Variants in PCDH15 observed in about 807,000 individuals in gnomAD.
The protein encoded by PCDH15 is protocadherin related 15, also known as protocadherin-15.
Under a neutral mutation model 178.5 loss-of-function variants are expected in PCDH15, and 129 were observed. The ratio of observed to expected loss-of-function variants is 0.72; its 90% confidence interval spans 0.63 to 0.84. The LOEUF (loss-of-function observed/expected upper bound fraction) is 0.84. Ranked by LOEUF, PCDH15 falls within the 40% of genes least tolerant of loss-of-function variation. PCDH15 has a pLI of 0.00. For synonymous variants in PCDH15, 800 were observed against 732.0 expected (o/e 1.09, Z -1.50); for missense variants, 2,230 against 2,099.9 (o/e 1.06, Z -1.21).
At chr10:55,559,062 G>T (rs1021335794) in intron 2 of PCDH15, among the ~76,000 whole-genome samples, 5 of 151,914 alleles carry the variant, frequency 3.3e-5, no homozygotes, top group African/African-American at 9.7e-5. Flanking sequence ...TATAACCATA[G>T]ATTTCTTGTA....
chr10:55,515,302 C>T (rs966285905), intron 2 of PCDH15, among the ~76,000 whole-genome samples: 2 of 151,880 alleles, frequency 1.3e-5, no homozygotes, highest in Admixed American at 1.3e-4. Context: ...TGAGTCCCAA[C>T]AGCACCTGAG....
intron 2 of PCDH15, among the ~76,000 whole-genome samples, chr10:55,124,218 T>C (rs1837843316): frequency 6.6e-6 from 1 of 152,142 alleles, no homozygotes; most frequent in Non-Finnish European, 1.5e-5. Flanking sequence ...TTATATTCTG[T>C]CATTTTCTTC....
intron 25 of PCDH15, among the ~76,000 whole-genome samples, chr10:53,917,148 A>C (rs1454133813): frequency 6.6e-6 from 1 of 152,194 alleles, no homozygotes; most frequent in African/African-American, 2.4e-5. Context: ...TGTCCTATTA[A>C]ATATGCATAC....
intron 18 of PCDH15, among the ~76,000 whole-genome samples, chr10:54,064,887 C>T (rs2094107763): frequency 6.6e-6 from 1 of 152,144 alleles, no homozygotes; most frequent in Admixed American, 6.5e-5. Context: ...GCAGCTGGAG[C>T]TACACCCAGG....
chr10:54,302,948 A>T (rs2060232205), intron 8 of PCDH15, among the ~76,000 whole-genome samples: 1 of 152,178 alleles, frequency 6.6e-6, no homozygotes. Context: ...ACACCCACAC[A>T]TATTAAAAAT....
At chr10:54,598,429 C>T (rs181017174) in intron 2 of PCDH15, among the ~76,000 whole-genome samples, 25 of 152,166 alleles carry the variant, frequency 1.6e-4, no homozygotes, top group African/African-American at 4.3e-4. Flanking sequence ...TGCTTCCCTT[C>T]ATGTTAAAAA....
intron 5 of PCDH15, among the ~76,000 whole-genome samples, chr10:54,354,431 CTTT>C (rs1237645519): frequency 3.3e-5 from 5 of 152,238 alleles, no homozygotes; most frequent in African/African-American, 1.2e-4. Context: ...ATCTCTTTCT[CTTT>C]TTTAACTGTT....
rs752356781 is a variant in PCDH15 at position 53,831,468 on chromosome 10, C to T, written c.4049G>A (p.Arg1350His). The change falls in exon 30 of 38, where the codon CGC (arginine) becomes CAC (histidine). Residue 1350 changes from arginine to histidine, a missense_variant. Transcript: ENST00000644397. ...CTCTGGAGTCCGGATCTCCAGAATG[C>T]GTCCTCCTTCCCCATAATACGGCTG... The part of the protein sequence containing the change: ...DFQPYYGEGG[R>H]ILEIRTPEAV... 52 of 1,614,016 alleles carry T rather than the reference C, an allele frequency of 3.2e-5. 1 individual carries two copies. In the East Asian group the frequency reaches 5.1e-4, roughly 16 times the overall value.
intron 2 of PCDH15, among the ~76,000 whole-genome samples, chr10:54,592,778 A>T (rs1255462797): frequency 6.6e-6 from 1 of 152,286 alleles, no homozygotes; most frequent in Non-Finnish European, 1.5e-5. Context: ...ATTGTTTTCC[A>T]TAATGGCCAC....
intron 1 of PCDH15, among the ~76,000 whole-genome samples, chr10:54,775,202 A>C (rs1334864980): frequency 6.6e-6 from 1 of 152,216 alleles, no homozygotes; most frequent in East Asian, 1.9e-4. Flanking sequence ...TCTTAAGTTG[A>C]AGAATAATCC....
chr10:55,023,664 C>T (rs1048504778), intron 2 of PCDH15, among the ~76,000 whole-genome samples: 2 of 151,982 alleles, frequency 1.3e-5, no homozygotes, highest in Non-Finnish European at 2.9e-5. Context: ...TTGTTTCCTG[C>T]CTTCTTAAAA....
intron 2 of PCDH15, among the ~76,000 whole-genome samples, chr10:55,450,161 T>C (rs1257792465): frequency 6.6e-6 from 1 of 152,046 alleles, no homozygotes; most frequent in African/African-American, 2.4e-5. Flanking sequence ...ATCTGGAAAA[T>C]CCAGTTAGGC....
intron 25 of PCDH15, chr10:53,907,141 G>A (rs1036523566): frequency 6.6e-6 from 1 of 152,086 alleles, no homozygotes; most frequent in Non-Finnish European, 1.5e-5. Flanking sequence ...TGGCTCACGT[G>A]CTTCCCCACT....
chr10:54,618,322 T>G (rs1455846916), intron 2 of PCDH15, among the ~76,000 whole-genome samples: 2 of 152,138 alleles, frequency 1.3e-5, no homozygotes, highest in African/African-American at 4.8e-5. Flanking sequence ...TTTAGTTATC[T>G]TCCTCATTTA....
chr10:53,974,982 G>A (rs2090070626), intron 21 of PCDH15, among the ~76,000 whole-genome samples: 1 of 151,840 alleles, frequency 6.6e-6, no homozygotes, highest in South Asian at 2.1e-4. Context: ...CCATCTTTTT[G>A]TCCAGGTGTA....
intron 3 of PCDH15, among the ~76,000 whole-genome samples, chr10:54,515,841 G>A (rs907320061): frequency 4.6e-4 from 70 of 152,286 alleles, no homozygotes; most frequent in African/African-American, 1.7e-3. Flanking sequence ...CTGTTCTACA[G>A]CCACCGCTGT....
At chr10:55,443,043 G>C (rs1839232567) in intron 2 of PCDH15, among the ~76,000 whole-genome samples, 1 of 152,128 alleles carries the variant, frequency 6.6e-6, no homozygotes, top group Non-Finnish European at 1.5e-5. Context: ...ATGGGGAAAG[G>C]ATTCCCTATT....
chr10:55,393,981 A>G (rs996410781), intron 2 of PCDH15, among the ~76,000 whole-genome samples: 2 of 151,926 alleles, frequency 1.3e-5, no homozygotes, highest in African/African-American at 4.8e-5. Flanking sequence ...AAATATATAT[A>G]ACTTTTTTTT....
chr10:53,850,655 C>A (rs1338501854), intron 28 of PCDH15, among the ~76,000 whole-genome samples: 1 of 151,062 alleles, frequency 6.6e-6, no homozygotes, highest in Non-Finnish European at 1.5e-5. Context: ...TTTATGATTG[C>A]TTTTAGTTTA....
Sources: gnomAD v4.1 joint callset for allele counts (sites outside exome capture counted in the v4.1 genomes callset) on GRCh38, gnomAD v4.1.1 for gene constraint, MANE v1.5 for transcripts, NCBI Gene and HGNC (gene_info 2026-07-23, HGNC 2026-07-21) for gene names.